Variants in KCNK2 observed in about 807,000 individuals in gnomAD.
KCNK2 encodes potassium two pore domain channel subfamily K member 2, also known as potassium channel subfamily K member 2.
Under a neutral mutation model 40.5 loss-of-function variants are expected in KCNK2, and 21 were observed. The observed-to-expected ratio is 0.52, with a 90% CI of 0.37 to 0.75. The LOEUF is 0.75. Ranked by LOEUF, KCNK2 falls within the 30% of genes least tolerant of loss-of-function variation. KCNK2 has a pLI of 0.00. For synonymous variants in KCNK2, 191 were observed against 202.2 expected (o/e 0.94, Z 0.47); for missense variants, 399 against 531.6 (o/e 0.75, Z 2.45).
chr1:215,162,483 G>C (rs1438152102), intron 3 of KCNK2, among the ~76,000 whole-genome samples: 3 of 151,990 alleles, frequency 2.0e-5, no homozygotes, highest in Non-Finnish European at 4.4e-5. Flanking sequence ...TTTTAGTCAT[G>C]AAATCTTTGC....
At position 215,087,426 on chromosome 1, in the gene KCNK2, AT is replaced by A. The variant is rs1183535910; in HGVS notation, c.357+750del. Among the ~76,000 whole-genome samples the A allele has an allele frequency of 2.0e-5, 3 of 152,392 alleles. No individual in the cohort carries two copies. In the East Asian group the frequency reaches 5.8e-4, roughly 29 times the overall value. Reference sequence around the variant, plus strand: ...ACAGAAAAACATTTTTGTTTTAAAAATTAATCACAGTAAGTTTCAGTTAGGC... The same window carrying A: ...ACAGAAAAACATTTTTGTTTTAAAAATAATCACAGTAAGTTTCAGTTAGGC... On this transcript the variant is annotated intron_variant, in intron 2 of 6. Coordinates refer to ENST00000444842, the MANE Select transcript of KCNK2 (RefSeq NM_001017425.3).
At chr1:215,113,058 A>G (rs887702787) in intron 2 of KCNK2, among the ~76,000 whole-genome samples, 1 of 152,196 alleles carries the variant, frequency 6.6e-6, no homozygotes, top group Non-Finnish European at 1.5e-5. Context: ...AATATACTAC[A>G]AATGATTCTT....
intron 2 of KCNK2, among the ~76,000 whole-genome samples, chr1:215,122,183 A>G (rs1036053331): frequency 6.6e-6 from 1 of 152,162 alleles, no homozygotes; most frequent in Non-Finnish European, 1.5e-5. Flanking sequence ...GATTCATACC[A>G]TCTTCCTTGG....
intron 2 of KCNK2, among the ~76,000 whole-genome samples, chr1:215,121,631 A>G (rs186985393): frequency 1.3e-5 from 2 of 152,240 alleles, no homozygotes; most frequent in African/African-American, 2.4e-5. Flanking sequence ...TAAAAAATAC[A>G]TAATAATGTG....
intron 6 of KCNK2, among the ~76,000 whole-genome samples, chr1:215,205,095 AT>A (rs1665256046): frequency 6.6e-6 from 1 of 152,218 alleles, no homozygotes; most frequent in African/African-American, 2.4e-5. Context: ...AGTGCTAGTC[AT>A]TAGTATTGAT....
At chr1:215,233,692 C>T (rs1666766169) in intron 6 of KCNK2, among the ~76,000 whole-genome samples, 1 of 152,004 alleles carries the variant, frequency 6.6e-6, no homozygotes, top group Non-Finnish European at 1.5e-5. Context: ...CAAACGAGAG[C>T]CTGGGTCACT....
At chr1:215,045,991 T>G (rs1356229373) in intron 1 of KCNK2, among the ~76,000 whole-genome samples, 3 of 152,234 alleles carry the variant, frequency 2.0e-5, no homozygotes, top group Admixed American at 6.5e-5. Flanking sequence ...CATGGAATTC[T>G]ACAGCTTTCT....
At chr1:215,195,203 T>A in intron 6 of KCNK2, 111 bp downstream of exon 6, 3 of 876,062 alleles carry the variant, frequency 3.4e-6, no homozygotes, top group Non-Finnish European at 4.9e-6. Context: ...AAAATGTTAA[T>A]ATTTTCTATT....
rs1361126242 is a variant in KCNK2 at position 215,106,051 on chromosome 1, A to G, written c.358-18582A>G. On this transcript the variant is annotated intron_variant, in intron 2 of 6. Coordinates refer to ENST00000444842, the MANE Select transcript of KCNK2 (RefSeq NM_001017425.3). ...CTGTGAATAGTGCTGTGATGAACAT[A>G]TAGGTGGATGTGTCTTTTTGGTAGA... is the stretch of plus-strand genomic sequence containing the variant. Among the ~76,000 whole-genome samples, 3 of 152,096 alleles carry G rather than the reference A, an allele frequency of 2.0e-5. No individual in the cohort carries two copies. The East Asian group carries it at 5.8e-4, about 29-fold the overall frequency.
chr1:215,203,327 A>G (rs1243094647), intron 6 of KCNK2, among the ~76,000 whole-genome samples: 2 of 152,136 alleles, frequency 1.3e-5, no homozygotes, highest in Non-Finnish European at 2.9e-5. Context: ...CATCACCAAA[A>G]TGTCTAATCT....
intron 1 of KCNK2, among the ~76,000 whole-genome samples, chr1:215,007,185 G>GATATATATATATA (rs1656202133): frequency 3.2e-5 from 1 of 31,028 alleles, no homozygotes; most frequent in African/African-American, 1.2e-4. Context: ...ATGTGTGTGG[G>GATATATATATATA]TATATATATA....
chr1:215,169,330 G>A lies in KCNK2; in HGVS notation c.607G>A (p.Gly203Arg). ...GDQLGTIFGK[G>R]IAKVEDTFIK... The stretch of plus-strand genomic sequence containing the variant: ...TCAGCTAGGCACCATATTTGGAAAA[G>A]GAATTGCCAAAGTGGAAGATACGTT... Residue 203 changes from glycine to arginine, a missense_variant, in exon 4 of 7, where the codon GGA becomes AGA. Gly to Arg is a moderately radical substitution (Grantham distance 125). Coordinates refer to ENST00000444842, the MANE Select transcript of KCNK2 (RefSeq NM_001017425.3). The A allele has an allele frequency of 6.2e-7, 1 of 1,612,340 alleles. No homozygotes were observed. The highest frequency in any genetic ancestry group is 1.1e-5 in the South Asian group (1 of 90,886).
At chr1:215,049,105 C>A (rs1657886965) in intron 1 of KCNK2, among the ~76,000 whole-genome samples, 1 of 152,138 alleles carries the variant, frequency 6.6e-6, no homozygotes. Flanking sequence ...ACATTCCCAT[C>A]AGCGTTATAT....
chr1:215,023,936 A>G (rs1656901978), intron 1 of KCNK2, among the ~76,000 whole-genome samples: 1 of 152,206 alleles, frequency 6.6e-6, no homozygotes, highest in Non-Finnish European at 1.5e-5. Flanking sequence ...AGGACACAAA[A>G]GAGGAGAAGG....
At chr1:215,110,721 A>G (rs1660645581) in intron 2 of KCNK2, among the ~76,000 whole-genome samples, 1 of 148,424 alleles carries the variant, frequency 6.7e-6, no homozygotes, top group Non-Finnish European at 1.5e-5. Context: ...ATTGAACAGA[A>G]AGTGCAGTGA....
chr1:215,071,726 A>G (rs1243957482), intron 1 of KCNK2, among the ~76,000 whole-genome samples: 1 of 152,202 alleles, frequency 6.6e-6, no homozygotes, highest in Non-Finnish European at 1.5e-5. Context: ...TTTCAGTGCA[A>G]TGCATGTTTG....
At chr1:215,081,217 G>C (rs1309450576), upstream of KCNK2, among the ~76,000 whole-genome samples, 3 of 151,314 alleles carry the variant, frequency 2.0e-5, no homozygotes, top group Non-Finnish European at 4.4e-5. Context: ...CATTTCTCTA[G>C]AGAACCTTAC....
intron 2 of KCNK2, among the ~76,000 whole-genome samples, chr1:215,089,081 A>G (rs1659581733): frequency 6.6e-6 from 1 of 152,234 alleles, no homozygotes; most frequent in Non-Finnish European, 1.5e-5. Flanking sequence ...AAATAAGCCA[A>G]TAATCATATA....
intron 6 of KCNK2, among the ~76,000 whole-genome samples, chr1:215,225,735 T>C (rs891011585): frequency 6.6e-6 from 1 of 152,336 alleles, no homozygotes; most frequent in East Asian, 1.9e-4. Context: ...GTCTCTGTCA[T>C]TAACTTACCA....
Sources: gnomAD v4.1 joint callset for allele counts (sites outside exome capture counted in the v4.1 genomes callset) on GRCh38, gnomAD v4.1.1 for gene constraint, MANE v1.5 for transcripts, NCBI Gene and HGNC (gene_info 2026-07-23, HGNC 2026-07-21) for gene names.